The following GRB10 variants were observed in gnomAD, a reference collection of about 807,000 sequenced individuals.
GRB10 encodes the protein growth factor receptor-bound protein 10.
A neutral mutation model predicts 80.9 loss-of-function variants in GRB10; 20 were observed. That is an observed-to-expected ratio of 0.25 (90% CI 0.17 to 0.36). The LOEUF is 0.36. GRB10 is among the 10% of genes least tolerant of loss of function. The probability of loss-of-function intolerance (pLI) is 1.00; values close to 1 mark genes in which losing one functional copy is unlikely to be tolerated. For synonymous variants in GRB10, 291 were observed against 291.5 expected, an observed-to-expected ratio of 1.00 and a Z score of 0.02; for missense variants, 548 against 747.7, an observed-to-expected ratio of 0.73 and a Z score of 3.12.
chr7:50,713,647 A>ATTG (rs1390246129), intron 4 of GRB10, among the ~76,000 whole-genome samples: 1 of 63,460 alleles, frequency 1.6e-5, no homozygotes, highest in Non-Finnish European at 3.2e-5. Context: ...CACCTCCCCC[A>ATTG]TCACCTCCAC....
At chr7:50,627,081 C>A in intron 7 of GRB10, 103 bp from the exon 8 acceptor site, 3 of 1,190,158 alleles carry the variant, frequency 2.5e-6, no homozygotes, top group Non-Finnish European at 3.7e-6. Context: ...AGTAGTGCTC[C>A]AACACATGGG....
rs1363408625 is a variant in GRB10 at position 50,591,624 on chromosome 7, ACAACT to A, written c.*1323_*1327del. The A allele has an allele frequency of 2.0e-5, 3 of 152,320 alleles. No individual in the cohort carries two copies. Among genetic ancestry groups the A allele is most frequent in the African/African-American group, 7.2e-5 (3 of 41,478 alleles). The allele number at this position is 152,320 out of a possible 1,614,324, so 9.4% of individuals were successfully genotyped here. A position where few individuals can be genotyped will look rare whatever the true frequency, so the allele number is the denominator to read the frequency against. On this transcript the variant is annotated 3_prime_UTR_variant, in exon 19 of 19. Transcript: ENST00000401949. ...CCCGAGGGGCGGAGGGGACCAAGTGACAACTCAAGCCACCATCTGACTCATCTCCC... is the reference window on the plus strand; with the variant it reads ...CCCGAGGGGCGGAGGGGACCAAGTGACAAGCCACCATCTGACTCATCTCCC...
At chr7:50,759,332 C>T (rs1366239395) in intron 2 of GRB10, among the ~76,000 whole-genome samples, 3 of 152,156 alleles carry the variant, frequency 2.0e-5, no homozygotes, top group African/African-American at 7.2e-5. Flanking sequence ...AGGAGGCCCA[C>T]AGAAGCGGGC....
At chr7:50,728,933 A>T (rs976924234) in intron 4 of GRB10, among the ~76,000 whole-genome samples, 1 of 152,178 alleles carries the variant, frequency 6.6e-6, no homozygotes, top group African/African-American at 2.4e-5. Flanking sequence ...TGCCTCCCAA[A>T]GTGCTGGGAT....
chr7:50,629,675 G>T (rs1278644634), intron 7 of GRB10, among the ~76,000 whole-genome samples: 1 of 152,222 alleles, frequency 6.6e-6, no homozygotes, highest in Non-Finnish European at 1.5e-5. Flanking sequence ...ATGTTTGTAA[G>T]GAACACAAGA....
At chr7:50,683,611 C>T (rs2061776387) in intron 5 of GRB10, among the ~76,000 whole-genome samples, 1 of 152,072 alleles carries the variant, frequency 6.6e-6, no homozygotes, top group Non-Finnish European at 1.5e-5. Flanking sequence ...GTGGTGTGCA[C>T]CTGTAATCCC....
At chr7:50,774,843 A>G (rs190578679) in intron 2 of GRB10, among the ~76,000 whole-genome samples, 51 of 152,114 alleles carry the variant, frequency 3.4e-4, no homozygotes, top group Admixed American at 9.8e-4. Context: ...ATGTGTTTCA[A>G]CCTGAGGCAA....
intron 3 of GRB10, among the ~76,000 whole-genome samples, chr7:50,748,072 T>C (rs1422332627): frequency 6.6e-6 from 1 of 152,204 alleles, no homozygotes; most frequent in Non-Finnish European, 1.5e-5. Flanking sequence ...GATAGGATTG[T>C]TCTCATCCCC....
At chr7:50,765,441 A>T (rs2076238978) in intron 2 of GRB10, among the ~76,000 whole-genome samples, 1 of 152,240 alleles carries the variant, frequency 6.6e-6, no homozygotes, top group South Asian at 2.1e-4. Flanking sequence ...GAACTCATTT[A>T]AAAAAGGTGG....
chr7:50,787,931 C>A (rs1317404506), intron 1 of GRB10, among the ~76,000 whole-genome samples: 2 of 152,258 alleles, frequency 1.3e-5, no homozygotes, highest in South Asian at 4.1e-4. Context: ...CTCAAATCAG[C>A]CCATACGGGA....
At chr7:50,756,749 C>T (rs961350839) in intron 2 of GRB10, among the ~76,000 whole-genome samples, 1 of 152,188 alleles carries the variant, frequency 6.6e-6, no homozygotes, top group Non-Finnish European at 1.5e-5. Flanking sequence ...ACCTGGGCAA[C>T]TCACTGGTCT....
chr7:50,676,335 C>CGGGGGGGGGGGGGGG (rs3040026), intron 5 of GRB10, among the ~76,000 whole-genome samples: 7 of 93,204 alleles, frequency 7.5e-5, no homozygotes, highest in African/African-American at 7.2e-5. Context: ...TCCACCCCAC[C>CGGGGGGGGGGGGGGG]GGGGGGGGGG....
intron 2 of GRB10, among the ~76,000 whole-genome samples, chr7:50,769,920 C>T (rs2076806501): frequency 6.6e-6 from 1 of 152,218 alleles, no homozygotes; most frequent in Admixed American, 6.5e-5. Context: ...TTTTACAAAC[C>T]TTCAGTCTTC....
intron 7 of GRB10, among the ~76,000 whole-genome samples, chr7:50,656,782 G>C (rs938081125): frequency 1.3e-5 from 2 of 152,208 alleles, no homozygotes; most frequent in Non-Finnish European, 2.9e-5. Context: ...TCAGGGCTCG[G>C]AAGTCCCGAA....
chr7:50,750,582 G>A (rs1312685191), intron 3 of GRB10, among the ~76,000 whole-genome samples: 4 of 152,144 alleles, frequency 2.6e-5, no homozygotes, highest in Non-Finnish European at 5.9e-5. Context: ...GCTAGGGAAC[G>A]CAGTCCCACA....
intron 3 of GRB10, among the ~76,000 whole-genome samples, chr7:50,752,956 G>A (rs996265207): frequency 5.9e-5 from 9 of 152,310 alleles, no homozygotes; most frequent in Non-Finnish European, 1.0e-4. Flanking sequence ...AAGAGCTAAC[G>A]AATAGAAACT....
Position 50,595,601 on chromosome 7 carries a change from T to TTA in GRB10, c.1545-73_1545-72dup, listed in dbSNP as rs779293495. 4.0e-5 allele frequency: 22 copies of TTA among 556,430 alleles called. No homozygotes were observed. In the African/African-American group the frequency reaches 4.5e-4, roughly 11 times the overall value. 34.5% of individuals were successfully genotyped at this position (556,430 alleles called of 1,614,324 possible). ...GAACTAATCACACACACACACTCTC[T>TTA]TACACACACACACACACACACACAC... is the stretch of plus-strand genomic sequence containing the variant. On this transcript the variant is annotated intron_variant, in intron 17 of 18. Transcript: ENST00000401949.
chr7:50,622,229 A>C (rs2051908971), intron 8 of GRB10, among the ~76,000 whole-genome samples: 1 of 152,166 alleles, frequency 6.6e-6, no homozygotes, highest in Non-Finnish European at 1.5e-5. Context: ...TTAGTGGGGG[A>C]AAGGACATCT....
intron 6 of GRB10, among the ~76,000 whole-genome samples, chr7:50,670,668 T>C (rs1281317409): frequency 6.6e-6 from 1 of 152,146 alleles, no homozygotes; most frequent in African/African-American, 2.4e-5. Context: ...GTTTTCTGAA[T>C]ATGAGCATTT....
Sources: allele counts gnomAD v4.1 joint callset (sites outside exome capture counted in the v4.1 genomes callset), GRCh38; gene constraint gnomAD v4.1.1; transcripts MANE v1.5; gene names NCBI Gene and HGNC (gene_info 2026-07-23, HGNC 2026-07-21).